Variants in PTK2B observed in about 807,000 individuals in gnomAD.
The protein encoded by PTK2B is protein tyrosine kinase 2 beta.
PTK2B carries 71 observed loss-of-function variants against 142.9 expected under a neutral mutation model. That is an observed-to-expected ratio of 0.50 (90% CI 0.41 to 0.61). The LOEUF (loss-of-function observed/expected upper bound fraction) is 0.61, where lower values mean the gene tolerates loss of function less well. Ranked by LOEUF, PTK2B falls within the 20% of genes least tolerant of loss-of-function variation. The pLI is 0.00. For synonymous variants in PTK2B, 519 were observed against 503.4 expected (o/e 1.03, Z -0.42); for missense variants, 1,105 against 1,320.4 (o/e 0.84, Z 2.53).
intron 1 of PTK2B, among the ~76,000 whole-genome samples, chr8:27,327,213 G>T (rs1403524347): frequency 2.6e-5 from 4 of 152,126 alleles, no homozygotes; most frequent in Non-Finnish European, 4.4e-5. Context: ...GTGCAGGGGC[G>T]AGGGGAAGCT....
chr8:27,397,424 G>T, intron 1 of PTK2B, 124 bp from the exon 2 acceptor site: 1 of 740,032 alleles, frequency 1.4e-6, no homozygotes, highest in Non-Finnish European at 2.2e-6. Flanking sequence ...GGGAGCTTTT[G>T]GGAATGGGAG....
In PTK2B at chr8:27,450,853, G is replaced by T. The variant is rs1158000223; in HGVS notation, c.2445G>T (p.Met815Ile). ...TCCTGGACAAACAGCAGAAGCAGAT[G>T]GTGGAGGACTACCAGTGGCTCAGGC... ...RQILDKQQKQMVEDYQWLRQE... is the reference protein window; with the variant it reads ...RQILDKQQKQIVEDYQWLRQE... Residue 815 changes from methionine to isoleucine, a missense_variant, in exon 25 of 31, where the codon ATG becomes ATT. Physicochemically the swap from Met to Ile is conservative, Grantham distance 10. Coordinates refer to ENST00000346049, the MANE Select transcript of PTK2B (RefSeq NM_173176.3). The T allele has an allele frequency of 1.9e-6, 3 of 1,614,068 alleles. No homozygotes were observed. The African/African-American group carries it at 4.0e-5, about 22-fold the overall frequency.
chr8:27,385,835 G>C (rs1442763181), intron 1 of PTK2B, among the ~76,000 whole-genome samples: 1 of 144,722 alleles, frequency 6.9e-6, no homozygotes, highest in Non-Finnish European at 1.5e-5. Context: ...AGAGTTTGCA[G>C]TGAGCCAAGA....
At position 27,432,159 on chromosome 8, in the gene PTK2B, ACTCCCAGTTCCTCCTCACCCCGG is replaced by A. The variant is rs1458499742; in HGVS notation, c.886-95_886-73del. 435 of 968,030 alleles carry A rather than the reference ACTCCCAGTTCCTCCTCACCCCGG, an allele frequency of 4.5e-4. 4 individuals are homozygous for A. In the Middle Eastern group the frequency reaches 6.9e-3, roughly 15 times the overall value. The allele number at this position is 968,030 out of a possible 1,614,324, so 60.0% of individuals were successfully genotyped here. A position where few individuals can be genotyped will look rare whatever the true frequency, so the allele number is the denominator to read the frequency against. On this transcript the variant is annotated intron_variant, in intron 9 of 30. Transcript: ENST00000346049. Reference sequence around the variant, plus strand: ...GATTCTCTCTTCATCTCCCAGAGAAACTCCCAGTTCCTCCTCACCCCGGCTCCCCCATACTGACCAATCTGCAT... The same window carrying A: ...GATTCTCTCTTCATCTCCCAGAGAAACTCCCCCATACTGACCAATCTGCAT...
intron 5 of PTK2B, among the ~76,000 whole-genome samples, chr8:27,423,074 G>A (rs969714278): frequency 1.3e-5 from 2 of 152,324 alleles, no homozygotes; most frequent in East Asian, 1.9e-4. Context: ...CTGGAGAATC[G>A]TGAGCTTGGA....
At chr8:27,399,272 A>G (rs1808239438) in intron 2 of PTK2B, among the ~76,000 whole-genome samples, 1 of 152,204 alleles carries the variant, frequency 6.6e-6, no homozygotes. Context: ...GTCAGCAGTG[A>G]AAAGGGTCCT....
At position 27,375,279 on chromosome 8, in the gene PTK2B, C is replaced by A. The variant is rs116429887; in HGVS notation, c.-37-22269C>A. 8.6e-3 allele frequency among the ~76,000 whole-genome samples: 1,313 copies of A among 152,308 alleles called. 15 individuals carry two copies. The highest frequency in any genetic ancestry group is 0.029 in the African/African-American group (1,214 of 41,558). On this transcript the variant is annotated intron_variant, in intron 1 of 30. Coordinates refer to ENST00000346049, the MANE Select transcript of PTK2B (RefSeq NM_173176.3). ...GCCCTCCTGAGTCCCCTTACCCTGTCCTTGACATGTAGGGAACTCAGAGCC... is the reference window on the plus strand; with the variant it reads ...GCCCTCCTGAGTCCCCTTACCCTGTACTTGACATGTAGGGAACTCAGAGCC...
chr8:27,363,574 G>GACTGCTCTT lies in PTK2B; in HGVS notation c.-37-33973_-37-33965dup, dbSNP rs1392757679. ...GTCTGGGATGCAGGGAATGGACTCT[G>GACTGCTCTT]ACTGCTCTTGCTGCTCTGAGCCTCT... On this transcript the variant is annotated intron_variant, in intron 1 of 30. Coordinates refer to ENST00000346049, the MANE Select transcript of PTK2B (RefSeq NM_173176.3). This position sits in a 1 kb window ranked among gnomAD's most constrained non-coding sequence, Gnocchi z 4.3. 6.6e-6 allele frequency among the ~76,000 whole-genome samples: 1 copy of GACTGCTCTT among 152,116 alleles called. No homozygotes were observed. Among genetic ancestry groups the GACTGCTCTT allele is most frequent in the Non-Finnish European group, 1.5e-5 (1 of 68,002 alleles).
At position 27,337,619 on chromosome 8, in the gene PTK2B, T is replaced by C. The variant is rs575473279; in HGVS notation, c.-38+11938T>C. ...AGTGGAATTGTACAACACTGTGGCC[T>C]TTCGCGACGGCTGCTTTCACTTAGC... On this transcript the variant is annotated intron_variant, in intron 1 of 30. Transcript: ENST00000346049. 6.6e-5 allele frequency among the ~76,000 whole-genome samples: 10 copies of C among 152,364 alleles called. No homozygotes were observed. The Middle Eastern group carries it at 0.01, about 155-fold the overall frequency.
In PTK2B at chr8:27,450,597, T is replaced by C. The variant is rs902770633; in HGVS notation, c.2341-152T>C. On this transcript the variant is annotated intron_variant, in intron 24 of 30. Coordinates refer to ENST00000346049, the MANE Select transcript of PTK2B (RefSeq NM_173176.3). ...GATACTGGATAGCTGTCTGCACATA[T>C]AGCTCTGGGTTTAAGAACAAACTTA... 39 of 935,094 alleles carry C rather than the reference T, an allele frequency of 4.2e-5. No individual in the cohort carries two copies. In the African/African-American group the frequency reaches 5.2e-4, roughly 12 times the overall value. 57.9% of individuals were successfully genotyped at this position (935,094 alleles called of 1,614,324 possible). A position where few individuals can be genotyped will look rare whatever the true frequency, so the allele number is the denominator to read the frequency against.
intron 2 of PTK2B, among the ~76,000 whole-genome samples, chr8:27,406,737 A>G (rs557227552): frequency 2.0e-5 from 3 of 152,186 alleles, no homozygotes; most frequent in Admixed American, 6.5e-5. Context: ...TCCTGCCCCA[A>G]GTGCCAGTGG....
intron 5 of PTK2B, among the ~76,000 whole-genome samples, chr8:27,427,141 T>C (rs1810133813): frequency 6.6e-6 from 1 of 152,078 alleles, no homozygotes; most frequent in African/African-American, 2.4e-5. Context: ...TAAACTCTTC[T>C]ATCTTCTGGC....
chr8:27,417,260 A>G (rs969705618), intron 2 of PTK2B, among the ~76,000 whole-genome samples: 1 of 152,262 alleles, frequency 6.6e-6, no homozygotes, highest in Non-Finnish European at 1.5e-5. Flanking sequence ...ATTGATAAGT[A>G]GGAATGAATT....
At chr8:27,409,217 G>A (rs1440421222) in intron 2 of PTK2B, among the ~76,000 whole-genome samples, 1 of 152,072 alleles carries the variant, frequency 6.6e-6, no homozygotes, top group Non-Finnish European at 1.5e-5. Flanking sequence ...TATCCTTTTG[G>A]GGAACCACAA....
At chr8:27,379,435 C>G (rs539708231) in intron 1 of PTK2B, among the ~76,000 whole-genome samples, 1 of 152,150 alleles carries the variant, frequency 6.6e-6, no homozygotes, top group East Asian at 1.9e-4. Flanking sequence ...TGCCTGTGGC[C>G]CAGGCTGGTC....
intron 1 of PTK2B, among the ~76,000 whole-genome samples, chr8:27,379,951 A>G (rs1200937081): frequency 2.0e-5 from 3 of 152,174 alleles, no homozygotes; most frequent in Non-Finnish European, 4.4e-5. Context: ...CATGTTGCCC[A>G]GGGTGGTTTC....
chr8:27,402,731 G>T (rs1808457825), intron 2 of PTK2B, among the ~76,000 whole-genome samples: 1 of 152,180 alleles, frequency 6.6e-6, no homozygotes, highest in Non-Finnish European at 1.5e-5. Flanking sequence ...TGAAGCATAT[G>T]CTCCTACAGG....
Position 27,348,488 on chromosome 8 carries a change from C to T in PTK2B, c.-38+22807C>T, listed in dbSNP as rs78539280. ...TCCAGCCTTGTGCATCATCTTGATG[C>T]CGTCGCCTAGTAACGATATGCTTAG... On this transcript the variant is annotated intron_variant, in intron 1 of 30. Transcript: ENST00000346049. 5.8e-3 allele frequency among the ~76,000 whole-genome samples: 886 copies of T among 152,282 alleles called. 10 individuals carry two copies. Among genetic ancestry groups the T allele is most frequent in the African/African-American group, 0.021 (857 of 41,552 alleles).
Position 27,436,255 on chromosome 8 carries a change from A to G in PTK2B, c.1248A>G (p.Pro416=). 2 of 1,614,162 alleles carry G rather than the reference A, an allele frequency of 1.2e-6. No individual in the cohort carries two copies. The highest frequency in any genetic ancestry group is 2.2e-5 in the East Asian group (1 of 44,882). Reference sequence around the variant, plus strand: ...CTGTTTTCTCTGTCTGTGCAGGTCCACAGTATGGCATTGCCCGTGAAGATG... The same window carrying G: ...CTGTTTTCTCTGTCTGTGCAGGTCCGCAGTATGGCATTGCCCGTGAAGATG... The part of the protein sequence containing the change: ...PDETLRRPGG[P]QYGIAREDVV... Residue 416 remains proline, a synonymous_variant, in exon 15 of 31, where the codon CCA becomes CCG. Transcript: ENST00000346049.
Sources: gnomAD v4.1 joint callset for allele counts (sites outside exome capture counted in the v4.1 genomes callset) on GRCh38, gnomAD v4.1.1 for gene constraint, Gnocchi (gnomAD v3.1) non-coding constraint, MANE v1.5 for transcripts, NCBI Gene and HGNC (gene_info 2026-07-23, HGNC 2026-07-21) for gene names.